PMFBP1: variants seen among roughly 807,000 people sequenced by gnomAD.
PMFBP1 encodes polyamine modulated factor 1 binding protein 1.
In PMFBP1, 131 loss-of-function variants were observed where a neutral mutation model predicts 137.8. The observed-to-expected ratio is 0.95, with a 90% CI of 0.82 to 1.10. The LOEUF (loss-of-function observed/expected upper bound fraction) is 1.10, where lower values mean the gene tolerates loss of function less well. Among genes scored for constraint, PMFBP1 ranks in the 50% least tolerant of loss-of-function variants. The pLI, the probability that PMFBP1 is intolerant of heterozygous loss-of-function variation, is 0.00. For synonymous variants in PMFBP1, 490 were observed against 450.4 expected (o/e 1.09, Z -1.11); for missense variants, 1,199 against 1,175.4 (o/e 1.02, Z -0.29).
chr16:72,119,694 C>T, intron 20 of PMFBP1, 157 bp downstream of exon 20: 2 of 1,466,524 alleles, frequency 1.4e-6, no homozygotes, highest in Non-Finnish European at 9.0e-7. Context: ...TTGCCTCCTC[C>T]CTTTACAGAT....
chr16:72,120,092 G>A lies in PMFBP1; in HGVS notation c.2769-3C>T. ...GGACCATTACACTGTGGAGGTGGCT[G>A]TGGGAAGGAGAGGAAGGACGGGTTG... On this transcript the variant is annotated splice_region_variant and splice_polypyrimidine_tract_variant and intron_variant, in intron 19 of 20. Coordinates refer to ENST00000237353, the MANE Select transcript of PMFBP1 (RefSeq NM_031293.3). 1 of 1,614,204 alleles carries A rather than the reference G, an allele frequency of 6.2e-7. No individual in the cohort carries two copies. The highest frequency in any genetic ancestry group is 8.5e-7 in the Non-Finnish European group (1 of 1,180,044).
chr16:72,130,784 A>T, intron 10 of PMFBP1, 62 bp from the exon 11 acceptor site: 1 of 1,461,066 alleles, frequency 6.8e-7, no homozygotes, highest in Non-Finnish European at 9.1e-7. Context: ...CACTCTTATC[A>T]GCCTGGCTGA....
In PMFBP1 at chr16:72,124,776, G is replaced by A. The variant is rs34831115; in HGVS notation, c.2580C>T (p.Asp860=). 0.013 allele frequency: 20,853 copies of A among 1,613,680 alleles called. 351 individuals carry two copies. The highest frequency in any genetic ancestry group is 0.012 in the Non-Finnish European group (14,674 of 1,179,762). ...GCCAAGGCATGCCCACCTCCTTATC[G>A]TCCTCAAGGAGGTTCTCTTTTAAGG... The part of the protein sequence containing the change: ...MAALKENLLE[D]DKEPCCLPQW... The change falls in exon 17 of 21, where the codon GAC becomes GAT. Residue 860 remains aspartate, a synonymous_variant. Transcript: ENST00000237353.
At chr16:72,143,173 C>A (rs2042748786) in intron 5 of PMFBP1, among the ~76,000 whole-genome samples, 2 of 152,050 alleles carry the variant, frequency 1.3e-5, no homozygotes, top group African/African-American at 4.8e-5. Context: ...GTCATACTTA[C>A]AATTTGAGAA....
chr16:72,178,477 G>A (rs1440858225), upstream of PMFBP1, among the ~76,000 whole-genome samples: 2 of 152,106 alleles, frequency 1.3e-5, no homozygotes, highest in African/African-American at 4.8e-5. Flanking sequence ...GTATTCTAAT[G>A]GGGGTCTTCT....
chr16:72,130,152 G>A (rs762424050), intron 12 of PMFBP1, 61 bp downstream of exon 12: 24 of 1,594,914 alleles, frequency 1.5e-5, no homozygotes, highest in Non-Finnish European at 2.0e-5. Context: ...ACTGCTCCTA[G>A]TCTGTGTTTT....
At chr16:72,174,906 C>T (rs1156749333), upstream of PMFBP1, among the ~76,000 whole-genome samples, 1 of 152,180 alleles carries the variant, frequency 6.6e-6, no homozygotes, top group Non-Finnish European at 1.5e-5. Context: ...CACCTTATAT[C>T]CTGTGTCTTC....
At position 72,119,852 on chromosome 16, in the gene PMFBP1, C is replaced by T. The variant is rs533931260; in HGVS notation, c.3006G>A (p.Pro1002=). ...LTKYIGMPHC[P]GSSYC is the part of the protein sequence containing the mutation. ...TTTTTTGACAAATGGCAGACGTACCCGGGCAGTGGGGCATCCCGATGTACT... is the reference window on the plus strand; with the variant it reads ...TTTTTTGACAAATGGCAGACGTACCTGGGCAGTGGGGCATCCCGATGTACT... The change falls in exon 20 of 21, where the codon CCG becomes CCA. Residue 1002 remains proline (P), a splice_region_variant and synonymous_variant. Coordinates refer to ENST00000237353, the MANE Select transcript of PMFBP1 (RefSeq NM_031293.3). 1.2e-5 allele frequency: 19 copies of T among 1,613,212 alleles called. No individual in the cohort carries two copies. The highest frequency in any genetic ancestry group is 6.7e-5 in the East Asian group (3 of 44,868).
chr16:72,175,313 G>C (rs2144542383), upstream of PMFBP1, among the ~76,000 whole-genome samples: 1 of 152,280 alleles, frequency 6.6e-6, no homozygotes, highest in East Asian at 1.9e-4. Context: ...TGTGGTTTTG[G>C]AGAGAGGAAG....
At chr16:72,197,878 C>G in the PMFBP1 span, among the ~76,000 whole-genome samples, 2 of 152,148 alleles carry the variant, frequency 1.3e-5, no homozygotes, top group Non-Finnish European at 2.9e-5. Context: ...CATCTGCACA[C>G]CAAACCACAG....
At chr16:72,226,040 A>G in the PMFBP1 span, among the ~76,000 whole-genome samples, 1 of 151,834 alleles carries the variant, frequency 6.6e-6, no homozygotes, top group Admixed American at 6.6e-5. Context: ...TTCCCTACCC[A>G]GTTCTTCCTA....
Position 72,126,035 on chromosome 16 carries a change from T to C in PMFBP1, c.2186A>G (p.Glu729Gly). 6.2e-7 allele frequency: 1 copy of C among 1,614,206 alleles called. No individual in the cohort carries two copies. Among genetic ancestry groups the C allele is most frequent in the Non-Finnish European group, 8.5e-7 (1 of 1,180,028 alleles). Residue 729 changes from glutamate (E) to glycine (G), a missense_variant, in exon 15 of 21, where the codon GAA becomes GGA. Physicochemically the swap from Glu to Gly is moderately conservative, Grantham distance 98. Coordinates refer to ENST00000237353, the MANE Select transcript of PMFBP1 (RefSeq NM_031293.3). ...CTTCCGGGATAATGCATCATAGGCT[T>C]CTTTGGTGATGGTAGTCTGGAGATA... Reference protein sequence around the residue: ...KHYLQTTITKEAYDALSRKSA... With the variant: ...KHYLQTTITKGAYDALSRKSA...
At chr16:72,180,721 C>A (rs1423638008), upstream of PMFBP1, among the ~76,000 whole-genome samples, 1 of 151,620 alleles carries the variant, frequency 6.6e-6, no homozygotes, top group Non-Finnish European at 1.5e-5. Context: ...TAACCGTGAA[C>A]AAATCAGAGG....
chr16:72,204,402 A>G, the PMFBP1 span, among the ~76,000 whole-genome samples: 3 of 151,974 alleles, frequency 2.0e-5, no homozygotes, highest in South Asian at 4.2e-4. Context: ...GGGTTTTACT[A>G]TGTTGCCCAG....
the PMFBP1 span, among the ~76,000 whole-genome samples, chr16:72,228,998 C>T: frequency 6.6e-6 from 1 of 152,082 alleles, no homozygotes; most frequent in Non-Finnish European, 1.5e-5. Flanking sequence ...GATCCTCATT[C>T]TCTTCCCACC....
the PMFBP1 span, among the ~76,000 whole-genome samples, chr16:72,206,698 C>T: frequency 1.3e-5 from 2 of 152,096 alleles, no homozygotes; most frequent in Non-Finnish European, 2.9e-5. Flanking sequence ...TTTGAGAGTC[C>T]ACACTGTTAA....
intron 3 of PMFBP1, among the ~76,000 whole-genome samples, chr16:72,157,120 C>A (rs1324869035): frequency 7.4e-6 from 1 of 135,968 alleles, no homozygotes; most frequent in African/African-American, 2.9e-5. Context: ...ACCCGGGAGG[C>A]AGAGCTTGCA....
At chr16:72,140,646 T>A in intron 5 of PMFBP1, 64 bp from the exon 6 acceptor site, 1 of 1,435,022 alleles carries the variant, frequency 7.0e-7, no homozygotes. Context: ...CAGAATTCCA[T>A]GAACATGGAA....
intron 2 of PMFBP1, among the ~76,000 whole-genome samples, chr16:72,168,521 T>G (rs568299232): frequency 6.6e-6 from 1 of 152,368 alleles, no homozygotes; most frequent in East Asian, 1.9e-4. Flanking sequence ...AGATTTAATC[T>G]GACATTTCAT....
Sources: gnomAD v4.1 joint callset for allele counts (sites outside exome capture counted in the v4.1 genomes callset) on GRCh38, gnomAD v4.1.1 for gene constraint, MANE v1.5 for transcripts, NCBI Gene and HGNC (gene_info 2026-07-23, HGNC 2026-07-21) for gene names.